The following RPS6KA4 variants were observed in gnomAD, a reference collection of about 807,000 sequenced individuals.
RPS6KA4 encodes the protein ribosomal protein S6 kinase A4.
RPS6KA4 carries 38 observed loss-of-function variants against 89.6 expected under a neutral mutation model. The observed-to-expected ratio is 0.42, with a 90% CI of 0.33 to 0.56. The LOEUF (loss-of-function observed/expected upper bound fraction) is 0.56, where lower values mean the gene tolerates loss of function less well. RPS6KA4 is among the 20% of genes least tolerant of loss of function. RPS6KA4 has a pLI of 0.07. For synonymous variants in RPS6KA4, 495 were observed against 492.8 expected (o/e 1.00, Z -0.06); for missense variants, 873 against 1,098.8 (o/e 0.79, Z 2.90).
chr11:64,368,823 C>T (rs1053594793), intron 12 of RPS6KA4, 26 bp downstream of exon 12: 11 of 1,341,950 alleles, frequency 8.2e-6, no homozygotes, highest in Non-Finnish European at 1.1e-5. Context: ...CAGGGGAGGG[C>T]GGAGAGAAAA....
intron 4 of RPS6KA4, 61 bp downstream of exon 4, chr11:64,360,653 A>G: frequency 7.1e-7 from 1 of 1,416,080 alleles, no homozygotes; most frequent in South Asian, 1.2e-5. Flanking sequence ...CTTGGAAGGA[A>G]TCTGCACGCA....
In RPS6KA4 at chr11:64,361,719, G is replaced by C; in HGVS notation, c.729G>C (p.Glu243Asp). The C allele has an allele frequency of 6.2e-7, 1 of 1,609,950 alleles. No individual in the cohort carries two copies. The highest frequency in any genetic ancestry group is 1.3e-5 in the African/African-American group (1 of 74,770). Reference protein sequence around the residue: ...TGASPFTLEGERNTQAEVSRR... With the variant: ...TGASPFTLEGDRNTQAEVSRR... ...CCTCGCCCTTCACCCTGGAGGGCGA[G>C]AGGAACACGCAGGCTGAGGTGTCTC... Residue 243 changes from glutamate to aspartate, a missense_variant, in exon 7 of 17, where the codon GAG (glutamate) becomes GAC (aspartate). Transcript: ENST00000334205. This position sits in a 1 kb window ranked among gnomAD's most constrained non-coding sequence, Gnocchi z 4.7.
Position 64,365,356 on chromosome 11 carries a change from A to C in RPS6KA4, c.962A>C (p.Gln321Pro), listed in dbSNP as rs1402118908. ...ARKIPAPFRPQIRSELDVGNF... is the reference protein window; with the variant it reads ...ARKIPAPFRPPIRSELDVGNF... ...AAGATTCCAGCCCCATTCCGGCCCC[A>C]AATCCGCTCAGAGCTGGATGTGGGC... Residue 321 changes from glutamine (Q) to proline (P), a missense_variant, in exon 9 of 17, where the codon CAA (glutamine) becomes CCA (proline). By Grantham distance (76) the Gln-to-Pro change is moderately conservative. Around this residue, in one of 4 missense-constraint regions of RPS6KA4, gnomAD observed 542 missense variants for 736.4 expected, o/e 0.74. Transcript: ENST00000334205. 1 of 1,614,070 alleles carries C rather than the reference A, an allele frequency of 6.2e-7. No individual in the cohort carries two copies. Among genetic ancestry groups the C allele is most frequent in the South Asian group, 1.1e-5 (1 of 91,078 alleles).
Position 64,360,569 on chromosome 11 carries a change from C to G in RPS6KA4, c.439C>G (p.Leu147Val), listed in dbSNP as rs2036717996. The change falls in exon 4 of 17, where the codon CTG becomes GTG. Residue 147 changes from leucine (L) to valine (V), a missense_variant. By Grantham distance (32) the Leu-to-Val change is conservative. Transcript: ENST00000334205. The part of the protein sequence containing the change: ...EVRVYGGEIV[L>V]ALEHLHKLGI... ...GCGCGTGTATGGGGGTGAGATCGTG[C>G]TGGCCCTGGAACACCTGCACAAGGT... is the stretch of plus-strand genomic sequence containing the variant. The G allele has an allele frequency of 6.2e-7, 1 of 1,610,164 alleles. No homozygotes were observed. The highest frequency in any genetic ancestry group is 8.5e-7 in the Non-Finnish European group (1 of 1,178,336).
rs1394510577 is a variant in RPS6KA4 at position 64,370,217 on chromosome 11, C to A, written c.1798-8C>A. ...TGGGCCGGCCTCACCTTCCCCTCAC[C>A]CTCCTAGTACATGATGCTGTCGGGG... On this transcript the variant is annotated splice_polypyrimidine_tract_variant and splice_region_variant and intron_variant, in intron 14 of 16. Coordinates refer to ENST00000334205, the MANE Select transcript of RPS6KA4 (RefSeq NM_003942.3). The surrounding 1 kb of genome is among the most constrained non-coding windows in gnomAD (Gnocchi z 4.1). 6.5e-7 allele frequency: 1 copy of A among 1,527,418 alleles called. No individual in the cohort carries two copies. Among genetic ancestry groups the A allele is most frequent in the East Asian group, 2.3e-5 (1 of 43,174 alleles). The allele number at this position is 1,527,418 out of a possible 1,614,324, so 94.6% of individuals were successfully genotyped here.
At chr11:64,360,619 T>C in intron 4 of RPS6KA4, 27 bp downstream of exon 4, 2 of 1,556,608 alleles carry the variant, frequency 1.3e-6, no homozygotes, top group Non-Finnish European at 1.7e-6. Flanking sequence ...CCGCAGGCTG[T>C]TGCTATGGAA....
rs1565076510 is a variant in RPS6KA4 at position 64,371,994 on chromosome 11, T to A, written c.*514T>A. 6.6e-6 allele frequency: 1 copy of A among 152,580 alleles called. No individual in the cohort carries two copies. Among genetic ancestry groups the A allele is most frequent in the Non-Finnish European group, 1.5e-5 (1 of 68,152 alleles). 9.5% of individuals were successfully genotyped at this position (152,580 alleles called of 1,614,324 possible). On this transcript the variant is annotated 3_prime_UTR_variant, in exon 17 of 17. Coordinates refer to ENST00000334205, the MANE Select transcript of RPS6KA4 (RefSeq NM_003942.3). ...CCCTCTGAAGCATTTCTGCCTCACTTTATGTCATCTGCTTCTCCCCTGTTG... is the reference window on the plus strand; with the variant it reads ...CCCTCTGAAGCATTTCTGCCTCACTATATGTCATCTGCTTCTCCCCTGTTG...
In RPS6KA4 at chr11:64,370,791, G is replaced by A. The variant is rs2037045037; in HGVS notation, c.2121+65G>A. ...GCCTCGAGAGGTGGGGTCTGGGGAGGCCCGGCCATCGGAGCACAGAAAGGC... is the reference window on the plus strand; with the variant it reads ...GCCTCGAGAGGTGGGGTCTGGGGAGACCCGGCCATCGGAGCACAGAAAGGC... On this transcript the variant is annotated intron_variant, in intron 16 of 16. Transcript: ENST00000334205. The surrounding 1 kb of genome is among the most constrained non-coding windows in gnomAD (Gnocchi z 4.1). The A allele has an allele frequency of 6.2e-6, 9 of 1,446,444 alleles. No homozygotes were observed. In the Admixed American group the frequency reaches 1.5e-4, roughly 25 times the overall value. The allele number at this position is 1,446,444 out of a possible 1,614,324, so 89.6% of individuals were successfully genotyped here. A position where few individuals can be genotyped will look rare whatever the true frequency, so the allele number is the denominator to read the frequency against.
chr11:64,361,536 C>G lies in RPS6KA4; in HGVS notation c.638C>G (p.Thr213Arg). 1.2e-6 allele frequency: 2 copies of G among 1,614,036 alleles called. No homozygotes were observed. Among genetic ancestry groups the G allele is most frequent in the Non-Finnish European group, 1.7e-6 (2 of 1,179,984 alleles). ...GCCCCCGAAATCATCCGTAGCAAGA[C>G]GGGGCATGGCAAGGTAGGTTGGCAG... ...YMAPEIIRSKTGHGKAVDWWS... is the reference protein window; with the variant it reads ...YMAPEIIRSKRGHGKAVDWWS... Residue 213 changes from threonine (T) to arginine (R), a missense_variant, in exon 6 of 17, where the codon ACG becomes AGG. Around this residue, in one of 4 missense-constraint regions of RPS6KA4, gnomAD observed 542 missense variants for 736.4 expected, o/e 0.74. Transcript: ENST00000334205. This position sits in a 1 kb window ranked among gnomAD's most constrained non-coding sequence, Gnocchi z 4.7.
chr11:64,360,022 C>G, intron 2 of RPS6KA4, 141 bp from the exon 3 acceptor site: 1 of 776,652 alleles, frequency 1.3e-6, no homozygotes, highest in Non-Finnish European at 2.0e-6. Context: ...AAGGCTCTGC[C>G]AGCTTTTTGC....
chr11:64,368,544 G>A lies in RPS6KA4; in HGVS notation c.1277G>A (p.Arg426His). Residue 426 changes from arginine to histidine, a missense_variant, in exon 11 of 17, where the codon CGC (arginine) becomes CAC (histidine). Arg to His is a conservative substitution (Grantham distance 29). Coordinates refer to ENST00000334205, the MANE Select transcript of RPS6KA4 (RefSeq NM_003942.3). ...GGCCAGGGCAGCTTTTCTGTGTGTC[G>A]CCGCTGCCGCCAGCGCCAGAGCGGC... ...ALGQGSFSVCRRCRQRQSGQE... is the reference protein window; with the variant it reads ...ALGQGSFSVCHRCRQRQSGQE... 8 of 1,589,030 alleles carry A rather than the reference G, an allele frequency of 5.0e-6. No individual in the cohort carries two copies. The highest frequency in any genetic ancestry group is 6.8e-6 in the Non-Finnish European group (8 of 1,170,494).
At chr11:64,364,142 CTTTT>C (rs879867829) in intron 8 of RPS6KA4, among the ~76,000 whole-genome samples, 1 of 93,586 alleles carries the variant, frequency 1.1e-5, no homozygotes, top group Non-Finnish European at 2.1e-5. Context: ...TCTTCCTCTT[CTTTT>C]TTTTTTTTTA....
Position 64,359,256 on chromosome 11 carries a change from T to A in RPS6KA4, c.21T>A (p.Asp7Glu). 6.9e-7 allele frequency: 1 copy of A among 1,458,564 alleles called. No homozygotes were observed. The allele number at this position is 1,458,564 out of a possible 1,614,324, so 90.4% of individuals were successfully genotyped here. MGDEDD[D>E]ESCAVELRIT... is the part of the protein sequence containing the mutation. ...CCGCCATGGGGGACGAGGACGACGA[T>A]GAGAGCTGCGCCGTGGAGCTGCGGA... Residue 7 changes from aspartate to glutamate, a missense_variant, in exon 1 of 17, where the codon GAT (aspartate) becomes GAA (glutamate). By Grantham distance (45) the Asp-to-Glu change is conservative. Transcript: ENST00000334205.
chr11:64,360,080 T>G (rs1433477009), intron 2 of RPS6KA4, 83 bp from the exon 3 acceptor site: 1 of 1,311,642 alleles, frequency 7.6e-7, no homozygotes, highest in Non-Finnish European at 1.0e-6. Flanking sequence ...CACACCCTCC[T>G]GGGTTGGCAT....
chr11:64,369,838 T>C lies in RPS6KA4; in HGVS notation c.1742T>C (p.Leu581Pro). 1 of 1,588,308 alleles carries C rather than the reference T, an allele frequency of 6.3e-7. No homozygotes were observed. Among genetic ancestry groups the C allele is most frequent in the Non-Finnish European group, 8.6e-7 (1 of 1,168,318 alleles). Residue 581 changes from leucine (L) to proline (P), a missense_variant, in exon 14 of 17, where the codon CTG becomes CCG. Leu to Pro is a moderately conservative substitution (Grantham distance 98, BLOSUM62 -3). This residue lies in a region of RPS6KA4 where 278 missense variants were observed against 284.8 expected (regional missense o/e 0.98). Transcript: ENST00000334205. Reference protein sequence around the residue: ...FTLQYAAPELLAQQGYDESCD... With the variant: ...FTLQYAAPELPAQQGYDESCD... ...CTGCAGTACGCTGCCCCCGAGCTGC[T>C]GGCGCAGCAGGGCTACGACGAGTCC...
rs964675076 is a variant in RPS6KA4, at chr11:64,371,531, C to T, written c.*51C>T. ...TCATAGGGGCTGTGACCTGGGAGCC[C>T]GGCTCACTCCCGGAGGCCTCTGCCT... On this transcript the variant is annotated 3_prime_UTR_variant, in exon 17 of 17. Coordinates refer to ENST00000334205, the MANE Select transcript of RPS6KA4 (RefSeq NM_003942.3). 4.0e-6 allele frequency: 3 copies of T among 740,916 alleles called. No homozygotes were observed. Among genetic ancestry groups the T allele is most frequent in the East Asian group, 2.7e-5 (1 of 37,144 alleles). 45.9% of individuals were successfully genotyped at this position (740,916 alleles called of 1,614,324 possible).
At position 64,360,024 on chromosome 11, in the gene RPS6KA4, G is replaced by C. The variant is rs1212161765; in HGVS notation, c.128-139G>C. The C allele has an allele frequency of 3.5e-5, 28 of 795,390 alleles. No homozygotes were observed. The South Asian group carries it at 4.9e-4, about 14-fold the overall frequency. 49.3% of individuals were successfully genotyped at this position (795,390 alleles called of 1,614,324 possible). On this transcript the variant is annotated intron_variant, in intron 2 of 16. Coordinates refer to ENST00000334205, the MANE Select transcript of RPS6KA4 (RefSeq NM_003942.3). The stretch of plus-strand genomic sequence containing the variant: ...ACCCTTTCCTTAGAAGGCTCTGCCA[G>C]CTTTTTGCACACCTGCCTGTTGCCC...
intron 4 of RPS6KA4, among the ~76,000 whole-genome samples, 195 bp downstream of exon 4, chr11:64,360,787 CT>C (rs1591309764): frequency 6.6e-6 from 1 of 152,212 alleles, no homozygotes; most frequent in South Asian, 2.1e-4. Flanking sequence ...GTCCCCTCCC[CT>C]GGCACCTCCT....
rs892230990 is a variant in RPS6KA4, at chr11:64,361,840, C to A, written c.756-12C>A. ...GGGCTTGCTGCCCCTGACACCCCCC[C>A]AATCCTCCCAGACGGATCCTGAAGT... On this transcript the variant is annotated splice_polypyrimidine_tract_variant and intron_variant, in intron 7 of 16. Transcript: ENST00000334205. This position sits in a 1 kb window ranked among gnomAD's most constrained non-coding sequence, Gnocchi z 4.7. The A allele has an allele frequency of 1.9e-6, 3 of 1,596,108 alleles. No homozygotes were observed. Among genetic ancestry groups the A allele is most frequent in the Non-Finnish European group, 2.6e-6 (3 of 1,173,974 alleles).
Sources: gnomAD v4.1 joint callset for allele counts (sites outside exome capture counted in the v4.1 genomes callset) on GRCh38, gnomAD v4.1.1 for gene constraint, gnomAD v4.1.1 regional missense constraint, Gnocchi (gnomAD v3.1) non-coding constraint, MANE v1.5 for transcripts, NCBI Gene and HGNC (gene_info 2026-07-23, HGNC 2026-07-21) for gene names.